Variants in CCDC192 observed in about 807,000 individuals in gnomAD.
CCDC192 encodes coiled-coil domain containing 192.
In CCDC192 at chr5:127,743,886, C is replaced by T. The variant is rs868051398; in HGVS notation, c.115-10382C>T. ...CGGGTGGATCACGAGGTCGGGAGAT[C>T]GAGACCATCCTGGCTTAACACGGTG... On this transcript the variant is annotated intron_variant, in intron 2 of 6. Transcript: ENST00000514853. Among the ~76,000 whole-genome samples, 7 of 151,948 alleles carry T rather than the reference C, an allele frequency of 4.6e-5. No individual in the cohort carries two copies. The South Asian group carries it at 8.3e-4, about 18-fold the overall frequency.
rs569715139 is a variant in CCDC192, at chr5:127,911,525, G to T, written c.536-29657G>T. Reference sequence around the variant, plus strand: ...TATTATATTCTTCTCAGCACCATAAGTTCATGCACTCTATAATTTAGATAT... The same window carrying T: ...TATTATATTCTTCTCAGCACCATAATTTCATGCACTCTATAATTTAGATAT... On this transcript the variant is annotated intron_variant, in intron 6 of 6. Transcript: ENST00000514853. Among the ~76,000 whole-genome samples, 36 of 152,186 alleles carry T rather than the reference G, an allele frequency of 2.4e-4. No homozygotes were observed. The Middle Eastern group carries it at 0.014, about 58-fold the overall frequency.
At chr5:127,794,214 A>G (rs1199489264) in intron 3 of CCDC192, among the ~76,000 whole-genome samples, 1 of 152,182 alleles carries the variant, frequency 6.6e-6, no homozygotes, top group Non-Finnish European at 1.5e-5. Context: ...TCCTGAACCA[A>G]TCAACAGCAA....
intron 5 of CCDC192, among the ~76,000 whole-genome samples, chr5:127,836,301 G>A (rs1750033268): frequency 6.6e-6 from 1 of 152,234 alleles, no homozygotes; most frequent in South Asian, 2.1e-4. Flanking sequence ...CTCCACCCCT[G>A]TGGCTTTGCA....
chr5:127,921,462 T>C lies in CCDC192; in HGVS notation c.536-19720T>C, dbSNP rs151299598. ...TGTACCCACTATCTGGCAACATAGA[T>C]GCAGAGTGAGCTGTTAAACAAGGCA... On this transcript the variant is annotated intron_variant, in intron 6 of 6. Coordinates refer to ENST00000514853, the MANE Select transcript of CCDC192 (RefSeq NM_001317938.2). Among the ~76,000 whole-genome samples the C allele has an allele frequency of 1.8e-4, 27 of 152,282 alleles. No individual in the cohort carries two copies. The East Asian group carries it at 5.0e-3, about 28-fold the overall frequency.
At chr5:127,824,974 C>CA (rs1242982989) in intron 5 of CCDC192, among the ~76,000 whole-genome samples, 21 of 152,316 alleles carry the variant, frequency 1.4e-4, no homozygotes, top group African/African-American at 5.1e-4. Flanking sequence ...TGTTCAAGCA[C>CA]ACAAACTTCA....
chr5:127,870,011 T>C (rs1338758958), intron 5 of CCDC192, among the ~76,000 whole-genome samples: 3 of 152,150 alleles, frequency 2.0e-5, no homozygotes, highest in Non-Finnish European at 4.4e-5. Flanking sequence ...TCCTAAGGGT[T>C]TGTGTATCAA....
chr5:127,874,035 T>G (rs1366566387), intron 5 of CCDC192, among the ~76,000 whole-genome samples: 1 of 152,190 alleles, frequency 6.6e-6, no homozygotes, highest in Non-Finnish European at 1.5e-5. Flanking sequence ...TTAGAAGGTC[T>G]TCATGACTTG....
chr5:127,756,246 C>T (rs549642738), intron 3 of CCDC192, among the ~76,000 whole-genome samples: 2 of 152,102 alleles, frequency 1.3e-5, no homozygotes, highest in South Asian at 2.1e-4. Flanking sequence ...TAGACAGAAT[C>T]GATTTATCAA....
Position 127,731,689 on chromosome 5 carries a change from T to G in CCDC192, c.115-22579T>G, listed in dbSNP as rs138592562. 1.3e-3 allele frequency among the ~76,000 whole-genome samples: 195 copies of G among 152,162 alleles called. 1 individual carries two copies. The highest frequency in any genetic ancestry group is 4.4e-3 in the African/African-American group (183 of 41,520). On this transcript the variant is annotated intron_variant, in intron 2 of 6. Transcript: ENST00000514853. ...AGATACATAGACCAACGGAACAGAATAGAGAACCCAGAAATAAGACTATGA... is the reference window on the plus strand; with the variant it reads ...AGATACATAGACCAACGGAACAGAAGAGAGAACCCAGAAATAAGACTATGA...
intron 6 of CCDC192, among the ~76,000 whole-genome samples, chr5:127,922,739 C>A (rs1342110520): frequency 6.6e-6 from 1 of 152,192 alleles, no homozygotes; most frequent in Non-Finnish European, 1.5e-5. Context: ...TAGGGTGAAA[C>A]CCTGTCTTAA....
At chr5:127,846,221 G>A (rs1462394845) in intron 5 of CCDC192, among the ~76,000 whole-genome samples, 3 of 151,410 alleles carry the variant, frequency 2.0e-5, no homozygotes, top group Non-Finnish European at 2.9e-5. Context: ...CCCGGGAGGC[G>A]GAGGTTGCAG....
At chr5:127,901,709 A>T (rs935531196) in intron 6 of CCDC192, among the ~76,000 whole-genome samples, 1 of 152,110 alleles carries the variant, frequency 6.6e-6, no homozygotes, top group African/African-American at 2.4e-5. Context: ...ATCTCTTTCC[A>T]TTCCACACAT....
intron 5 of CCDC192, among the ~76,000 whole-genome samples, chr5:127,844,735 C>T (rs911871089): frequency 4.6e-5 from 7 of 152,262 alleles, no homozygotes; most frequent in Admixed American, 2.6e-4. Context: ...GGCAGCCTGC[C>T]GAGCAGCCCA....
intron 5 of CCDC192, among the ~76,000 whole-genome samples, chr5:127,799,711 G>A (rs529198839): frequency 6.6e-6 from 1 of 152,258 alleles, no homozygotes; most frequent in South Asian, 2.1e-4. Context: ...TCACTGCCTA[G>A]TTACTATGGA....
At chr5:127,911,495 G>T (rs1208618388) in intron 6 of CCDC192, among the ~76,000 whole-genome samples, 1 of 152,056 alleles carries the variant, frequency 6.6e-6, no homozygotes, top group Non-Finnish European at 1.5e-5. Flanking sequence ...AGCTGAAAAA[G>T]CATGTATTAT....
chr5:127,737,092 T>C (rs371357245), intron 2 of CCDC192, among the ~76,000 whole-genome samples: 34 of 151,738 alleles, frequency 2.2e-4, no homozygotes, highest in African/African-American at 8.0e-4. Context: ...CCTCTACACA[T>C]TGCTTTGAAT....
intron 5 of CCDC192, among the ~76,000 whole-genome samples, chr5:127,850,856 C>T (rs745971764): frequency 6.6e-6 from 1 of 152,182 alleles, no homozygotes; most frequent in African/African-American, 2.4e-5. Context: ...ATCCCAGCCA[C>T]TCCGGAGGCT....
intron 2 of CCDC192, among the ~76,000 whole-genome samples, chr5:127,751,944 G>A (rs1179035411): frequency 2.0e-5 from 3 of 151,754 alleles, no homozygotes; most frequent in African/African-American, 7.3e-5. Context: ...CGTAGTTCTC[G>A]AGCCTTGGTT....
chr5:127,717,928 C>CAAAAAAAAAAAAAAAAAAAGAAAAA, intron 2 of CCDC192, among the ~76,000 whole-genome samples: 1 of 98,074 alleles, frequency 1.0e-5, no homozygotes, highest in Non-Finnish European at 2.0e-5. Flanking sequence ...TAAAGCTAGA[C>CAAAAAAAAAAAAAAAAAAAGAAAAA]AAAAAAAAAA....
Sources: gnomAD v4.1 joint callset for allele counts (sites outside exome capture counted in the v4.1 genomes callset) on GRCh38, gnomAD v4.1.1 for gene constraint, MANE v1.5 for transcripts, NCBI Gene and HGNC (gene_info 2026-07-23, HGNC 2026-07-21) for gene names.